The following GALNT7 variants were observed in gnomAD, a reference collection of about 807,000 sequenced individuals.
GALNT7 encodes the protein polypeptide N-acetylgalactosaminyltransferase 7.
Under a neutral mutation model 82.1 loss-of-function variants are expected in GALNT7, and 60 were observed. The observed-to-expected ratio is 0.73, with a 90% confidence interval of 0.59 to 0.91. The LOEUF is 0.91. Ranked by LOEUF, GALNT7 falls within the 40% of genes least tolerant of loss-of-function variation. The pLI, the probability that GALNT7 is intolerant of heterozygous loss-of-function variation, is 0.00. For synonymous variants in GALNT7, 243 were observed against 275.1 expected, an observed-to-expected ratio of 0.88 and a Z score of 1.15; for missense variants, 660 against 804.2, an observed-to-expected ratio of 0.82 and a Z score of 2.17.
At chr4:173,227,212 A>G (rs964881854) in intron 1 of GALNT7, among the ~76,000 whole-genome samples, 1 of 152,214 alleles carries the variant, frequency 6.6e-6, no homozygotes, top group African/African-American at 2.4e-5. Flanking sequence ...AAATTTTAAA[A>G]TGTAACTCCA....
chr4:173,193,605 C>A (rs1159225123), intron 1 of GALNT7, among the ~76,000 whole-genome samples: 1 of 151,826 alleles, frequency 6.6e-6, no homozygotes, highest in Admixed American at 6.6e-5. Flanking sequence ...TCTTTTTTGA[C>A]AATAAAATAA....
chr4:173,290,960 C>A (rs1332045675), intron 2 of GALNT7, among the ~76,000 whole-genome samples: 3 of 152,142 alleles, frequency 2.0e-5, no homozygotes, highest in Admixed American at 2.0e-4. Flanking sequence ...CCTTCTGTCA[C>A]CTTCACCCCA....
chr4:173,223,959 C>T (rs1301682605), intron 1 of GALNT7, among the ~76,000 whole-genome samples: 2 of 152,022 alleles, frequency 1.3e-5, no homozygotes, highest in East Asian at 1.9e-4. Context: ...TGTTTCATCG[C>T]TGGTAATTGT....
At chr4:173,204,223 T>A (rs992339373) in intron 1 of GALNT7, among the ~76,000 whole-genome samples, 2 of 152,216 alleles carry the variant, frequency 1.3e-5, no homozygotes, top group African/African-American at 2.4e-5. Flanking sequence ...AACTCCCTTA[T>A]ATGTTATTTG....
intron 2 of GALNT7, among the ~76,000 whole-genome samples, chr4:173,259,327 G>A (rs973594304): frequency 2.0e-5 from 3 of 152,136 alleles, no homozygotes; most frequent in African/African-American, 7.2e-5. Context: ...TTACATGCAG[G>A]TTCACAGGCT....
intron 8 of GALNT7, among the ~76,000 whole-genome samples, chr4:173,310,059 T>C (rs1399914415): frequency 6.6e-6 from 1 of 152,224 alleles, no homozygotes; most frequent in Non-Finnish European, 1.5e-5. Context: ...ACCCAGCATG[T>C]GCCAGGCACT....
At position 173,313,943 on chromosome 4, in the gene GALNT7, A is replaced by ATATATATT. The variant is rs142053913; in HGVS notation, c.1390-14_1390-13insATATATTT. 7.8e-6 allele frequency: 7 copies of ATATATATT among 899,884 alleles called. No individual in the cohort carries two copies. In the African/African-American group the frequency reaches 1.1e-4, roughly 14 times the overall value. The allele number at this position is 899,884 out of a possible 1,614,324, so 55.7% of individuals were successfully genotyped here. A position where few individuals can be genotyped will look rare whatever the true frequency, so the allele number is the denominator to read the frequency against. On this transcript the variant is annotated splice_polypyrimidine_tract_variant and intron_variant, in intron 8 of 11. Coordinates refer to ENST00000265000, the MANE Select transcript of GALNT7 (RefSeq NM_017423.3). The stretch of plus-strand genomic sequence containing the variant: ...TTTTTATAACGATATATATATATAT[A>ATATATATT]TTTTTTTTTTACAGAATTATGTTAG...
chr4:173,191,971 T>A (rs1231403919), intron 1 of GALNT7, among the ~76,000 whole-genome samples: 1 of 152,190 alleles, frequency 6.6e-6, no homozygotes, highest in Non-Finnish European at 1.5e-5. Context: ...AAGGTGAATG[T>A]GAAGACACTA....
At chr4:173,218,267 AC>A (rs1733534317) in intron 1 of GALNT7, among the ~76,000 whole-genome samples, 1 of 152,176 alleles carries the variant, frequency 6.6e-6, no homozygotes. Flanking sequence ...AATGAATCTT[AC>A]TCAGTTCCCT....
chr4:173,185,921 C>A, intron 1 of GALNT7, among the ~76,000 whole-genome samples: 1 of 152,182 alleles, frequency 6.6e-6, no homozygotes. Context: ...TCAAACACAT[C>A]CTTAATCAAT....
At chr4:173,240,032 T>C (rs1734369667) in intron 1 of GALNT7, among the ~76,000 whole-genome samples, 1 of 152,162 alleles carries the variant, frequency 6.6e-6, no homozygotes, top group South Asian at 2.1e-4. Flanking sequence ...AATCTAGAGT[T>C]CCAAAAGATC....
intron 1 of GALNT7, among the ~76,000 whole-genome samples, chr4:173,225,049 A>AATAATT (rs1237783020): frequency 1.5e-4 from 21 of 142,850 alleles, no homozygotes; most frequent in African/African-American, 5.5e-4. Context: ...TAATAATAAT[A>AATAATT]ATTATAATTA....
intron 2 of GALNT7, among the ~76,000 whole-genome samples, chr4:173,259,922 G>T (rs1735195812): frequency 6.6e-6 from 1 of 152,170 alleles, no homozygotes; most frequent in Non-Finnish European, 1.5e-5. Context: ...ACAGGCGTGA[G>T]CCACCATGCC....
chr4:173,235,507 C>A (rs996885149), intron 1 of GALNT7, among the ~76,000 whole-genome samples: 1 of 151,966 alleles, frequency 6.6e-6, no homozygotes, highest in Non-Finnish European at 1.5e-5. Context: ...TCTTTCAGAT[C>A]TTTGCTCAGT....
chr4:173,234,527 A>G (rs1734148975), intron 1 of GALNT7, among the ~76,000 whole-genome samples: 1 of 152,196 alleles, frequency 6.6e-6, no homozygotes, highest in South Asian at 2.1e-4. Flanking sequence ...TCTTAAAGTC[A>G]TTCTTCATAC....
intron 1 of GALNT7, among the ~76,000 whole-genome samples, chr4:173,173,603 C>T (rs1000104115): frequency 1.4e-4 from 22 of 152,098 alleles, no homozygotes; most frequent in African/African-American, 5.3e-4. Context: ...GTATTAGATT[C>T]TCATAAGGAG....
intron 1 of GALNT7, among the ~76,000 whole-genome samples, chr4:173,247,462 C>T (rs1381213067): frequency 6.6e-6 from 1 of 151,822 alleles, no homozygotes; most frequent in Non-Finnish European, 1.5e-5. Flanking sequence ...AATCGGGACT[C>T]TGCATATCCC....
At chr4:173,276,944 T>G (rs1735933092) in intron 2 of GALNT7, among the ~76,000 whole-genome samples, 1 of 152,198 alleles carries the variant, frequency 6.6e-6, no homozygotes, top group Non-Finnish European at 1.5e-5. Flanking sequence ...AGTAGTACCA[T>G]CTCTGTCTCT....
intron 5 of GALNT7, chr4:173,297,832 G>A (rs1167987673): frequency 6.8e-7 from 1 of 1,471,812 alleles, no homozygotes; most frequent in South Asian, 1.4e-5. Flanking sequence ...TTACATAGAT[G>A]GGAATGATTA....
Sources: allele counts gnomAD v4.1 joint callset (sites outside exome capture counted in the v4.1 genomes callset), GRCh38; gene constraint gnomAD v4.1.1; transcripts MANE v1.5; gene names NCBI Gene and HGNC (gene_info 2026-07-23, HGNC 2026-07-21).